The following ELOVL2 variants were observed in gnomAD, a reference collection of about 807,000 sequenced individuals.
The protein encoded by ELOVL2 is ELOVL fatty acid elongase 2.
ELOVL2 carries 38 observed loss-of-function variants against 37.7 expected under a neutral mutation model. That is an observed-to-expected ratio of 1.01 (90% CI 0.78 to 1.32). The LOEUF (loss-of-function observed/expected upper bound fraction) is 1.32, where lower values mean the gene tolerates loss of function less well. Among genes scored for constraint, ELOVL2 ranks in the 40% most tolerant of loss-of-function variants. The pLI is 0.00. For missense variants in ELOVL2, 352 were observed against 363.6 expected (o/e 0.97, Z 0.26); for synonymous variants, 115 against 122.3 (o/e 0.94, Z 0.40).
intron 5 of ELOVL2, among the ~76,000 whole-genome samples, chr6:10,992,732 G>A (rs1319427676): frequency 1.3e-5 from 2 of 149,712 alleles, no homozygotes; most frequent in East Asian, 3.9e-4. Context: ...AGGTTGCAGT[G>A]AGCCGGGATT....
intron 3 of ELOVL2, among the ~76,000 whole-genome samples, chr6:11,003,003 TA>T (rs1444820506): frequency 6.6e-6 from 1 of 152,262 alleles, no homozygotes; most frequent in Non-Finnish European, 1.5e-5. Context: ...TAAACTGCTG[TA>T]AAATTACACA....
chr6:11,035,676 C>T (rs1276878932), intron 1 of ELOVL2, among the ~76,000 whole-genome samples: 1 of 152,144 alleles, frequency 6.6e-6, no homozygotes, highest in African/African-American at 2.4e-5. Context: ...TATTACTAGT[C>T]GCATTATTAG....
At chr6:11,014,022 G>GA (rs1561722837) in intron 1 of ELOVL2, among the ~76,000 whole-genome samples, 1 of 152,116 alleles carries the variant, frequency 6.6e-6, no homozygotes. Flanking sequence ...GCCCTTACAA[G>GA]AAAGTCTGTG....
chr6:11,039,006 G>C (rs550099455), intron 1 of ELOVL2, among the ~76,000 whole-genome samples: 1 of 152,178 alleles, frequency 6.6e-6, no homozygotes, highest in African/African-American at 2.4e-5. Context: ...TGTGACATAT[G>C]GTAAGGCAGG....
In ELOVL2 at chr6:11,010,746, C is replaced by T; in HGVS notation, c.67G>A (p.Asp23Asn). The T allele has an allele frequency of 6.2e-7, 1 of 1,612,278 alleles. No individual in the cohort carries two copies. The highest frequency in any genetic ancestry group is 8.5e-7 in the Non-Finnish European group (1 of 1,178,896). ...TTAAGTTCTCAAGTAATTCACTGACCTCGCGGTCCAAACATATTGTCCAAA... is the reference window on the plus strand; with the variant it reads ...TTAAGTTCTCAAGTAATTCACTGACTTCGCGGTCCAAACATATTGTCCAAA... ...AFLDNMFGPR[D>N]SRVRGWFMLD... is the part of the protein sequence containing the mutation. The change falls in exon 2 of 8, where the codon GAT becomes AAT. Residue 23 changes from aspartate to asparagine, a missense_variant and splice_region_variant. Coordinates refer to ENST00000354666, the MANE Select transcript of ELOVL2 (RefSeq NM_017770.4).
intron 2 of ELOVL2, among the ~76,000 whole-genome samples, chr6:11,008,773 G>A (rs1782522632): frequency 6.6e-6 from 1 of 152,156 alleles, no homozygotes; most frequent in Non-Finnish European, 1.5e-5. Flanking sequence ...AAACCTATGT[G>A]AAAGGATTTT....
chr6:11,039,580 A>T (rs1783069623), intron 1 of ELOVL2, among the ~76,000 whole-genome samples: 1 of 152,100 alleles, frequency 6.6e-6, no homozygotes, highest in African/African-American at 2.4e-5. Flanking sequence ...TTATGTTAGA[A>T]ATATTACAAT....
chr6:11,015,252 T>C (rs1338780530), intron 1 of ELOVL2, among the ~76,000 whole-genome samples: 1 of 152,158 alleles, frequency 6.6e-6, no homozygotes, highest in East Asian at 1.9e-4. Context: ...TAAGGACATA[T>C]TCATATATGC....
chr6:11,035,727 A>G (rs1782995880), intron 1 of ELOVL2, among the ~76,000 whole-genome samples: 1 of 152,238 alleles, frequency 6.6e-6, no homozygotes, highest in Non-Finnish European at 1.5e-5. Context: ...ATGGACACGG[A>G]GGCACATTTA....
At chr6:11,017,326 C>G (rs1482126976) in intron 1 of ELOVL2, among the ~76,000 whole-genome samples, 1 of 152,158 alleles carries the variant, frequency 6.6e-6, no homozygotes, top group Non-Finnish European at 1.5e-5. Flanking sequence ...GTGGTGCTAT[C>G]AGGTGAGACT....
chr6:11,023,138 T>C (rs973838885), intron 1 of ELOVL2, among the ~76,000 whole-genome samples: 1 of 152,238 alleles, frequency 6.6e-6, no homozygotes, highest in Admixed American at 6.5e-5. Flanking sequence ...CAGGAAGTGG[T>C]GAGTGAATAT....
In ELOVL2 at chr6:10,995,107, C is replaced by T. The variant is rs761880960; in HGVS notation, c.405G>A (p.Leu135=). The T allele has an allele frequency of 2.5e-6, 4 of 1,612,970 alleles. No individual in the cohort carries two copies. Among genetic ancestry groups the T allele is most frequent in the South Asian group, 1.1e-5 (1 of 90,940 alleles). ...AAGTAATCTGACTCGTTTTTTTCCGCAAAACGAAGAAAATTGTGTCCAGGA... is the reference window on the plus strand; with the variant it reads ...AAGTAATCTGACTCGTTTTTTTCCGTAAAACGAAGAAAATTGTGTCCAGGA... The part of the protein sequence containing the change: ...VEFLDTIFFV[L]RKKTSQITFL... Residue 135 remains leucine, a synonymous_variant, in exon 5 of 8, where the codon TTG becomes TTA. Transcript: ENST00000354666.
intron 1 of ELOVL2, among the ~76,000 whole-genome samples, chr6:11,033,426 A>C (rs1782962136): frequency 6.6e-6 from 1 of 152,208 alleles, no homozygotes; most frequent in African/African-American, 2.4e-5. Context: ...TATTTTCTTA[A>C]GGGTAAATTT....
chr6:11,020,344 CTTA>C (rs1561724619), intron 1 of ELOVL2, among the ~76,000 whole-genome samples: 5 of 152,128 alleles, frequency 3.3e-5, no homozygotes, highest in Admixed American at 2.0e-4. Flanking sequence ...TCATCAAATA[CTTA>C]TTATTTTATA....
chr6:11,008,641 T>G (rs1050797397), intron 2 of ELOVL2, among the ~76,000 whole-genome samples: 2 of 152,150 alleles, frequency 1.3e-5, no homozygotes, highest in African/African-American at 4.8e-5. Flanking sequence ...CACTGAGCTG[T>G]TCTCCTTTCT....
chr6:11,009,949 G>A (rs139136394), intron 2 of ELOVL2, among the ~76,000 whole-genome samples: 1,899 of 152,180 alleles, frequency 0.012, 19 homozygotes, highest in Non-Finnish European at 0.02. Context: ...GTAAGCGACT[G>A]GTGATGAAGG....
intron 6 of ELOVL2, 22 bp from the exon 7 acceptor site, chr6:10,989,859 T>C (rs1411568100): frequency 6.2e-7 from 1 of 1,613,756 alleles, no homozygotes. Context: ...AGAGAGGGCA[T>C]CTCTGTGAGC....
intron 5 of ELOVL2, among the ~76,000 whole-genome samples, chr6:10,993,524 G>A (rs1017036706): frequency 1.3e-5 from 2 of 152,128 alleles, no homozygotes; most frequent in African/African-American, 2.4e-5. Flanking sequence ...TTTTACCCAT[G>A]TATATATTTT....
chr6:10,988,930 A>G (rs542739553), intron 7 of ELOVL2, among the ~76,000 whole-genome samples: 8 of 152,370 alleles, frequency 5.3e-5, no homozygotes, highest in African/African-American at 1.9e-4. Context: ...GTTCCCAAAC[A>G]AACAGTGAGG....
Sources: allele counts gnomAD v4.1 joint callset (sites outside exome capture counted in the v4.1 genomes callset), GRCh38; gene constraint gnomAD v4.1.1; transcripts MANE v1.5; gene names NCBI Gene and HGNC (gene_info 2026-07-23, HGNC 2026-07-21).